MRTFB: variants seen among roughly 807,000 people sequenced by gnomAD.
MRTFB encodes myocardin-related transcription factor B.
A neutral mutation model predicts 104.2 loss-of-function variants in MRTFB; 29 were observed. The ratio of observed to expected loss-of-function variants is 0.28; its 90% CI spans 0.21 to 0.38. The LOEUF is 0.38. Ranked by LOEUF, MRTFB falls within the 10% of genes least tolerant of loss-of-function variation. MRTFB has a pLI of 1.00. For missense variants in MRTFB, 1,270 were observed against 1,341.6 expected, an observed-to-expected ratio of 0.95 and a Z score of 0.83; for synonymous variants, 535 against 519.5, an observed-to-expected ratio of 1.03 and a Z score of -0.41.
chr16:14,120,145 CTTATGTATGTTT>C (rs2036769289), intron 2 of MRTFB, among the ~76,000 whole-genome samples: 2 of 151,986 alleles, frequency 1.3e-5, no homozygotes, highest in Non-Finnish European at 2.9e-5. Flanking sequence ...TGTTCTTTTT[CTTATGTATGTTT>C]ATATCCTTAT....
intron 11 of MRTFB, among the ~76,000 whole-genome samples, chr16:14,245,924 C>T (rs1045346684): frequency 1.3e-5 from 2 of 152,020 alleles, no homozygotes; most frequent in African/African-American, 2.4e-5. Context: ...TTTTTTCTTC[C>T]CTGCTCAATG....
chr16:14,067,969 C>T (rs1187643978), upstream of MRTFB, among the ~76,000 whole-genome samples: 1 of 152,068 alleles, frequency 6.6e-6, no homozygotes, highest in Non-Finnish European at 1.5e-5. Context: ...GTAGCTGAGA[C>T]TACAGCCGCC....
chr16:14,080,438 A>G (rs904432762), intron 2 of MRTFB, among the ~76,000 whole-genome samples: 4 of 152,204 alleles, frequency 2.6e-5, no homozygotes, highest in Admixed American at 1.3e-4. Flanking sequence ...GAATGTTTCA[A>G]TCTAGCTAAT....
the MRTFB span, among the ~76,000 whole-genome samples, chr16:14,012,251 C>T: frequency 6.9e-6 from 1 of 145,060 alleles, no homozygotes; most frequent in African/African-American, 2.6e-5. Flanking sequence ...TTTTTTGAGA[C>T]AGAGTCTCGG....
chr16:14,079,789 G>A (rs1050402723), intron 2 of MRTFB, among the ~76,000 whole-genome samples: 8 of 150,538 alleles, frequency 5.3e-5, no homozygotes, highest in Non-Finnish European at 1.0e-4. Context: ...ATTTCTATCC[G>A]TATAAAACAA....
At chr16:14,163,718 G>A (rs768060390) in intron 3 of MRTFB, among the ~76,000 whole-genome samples, 4 of 151,568 alleles carry the variant, frequency 2.6e-5, no homozygotes, top group East Asian at 1.9e-4. Flanking sequence ...CTGTAATCCC[G>A]GCTATTTGGG....
chr16:14,105,033 G>A (rs1336778568), intron 2 of MRTFB, among the ~76,000 whole-genome samples: 1 of 152,094 alleles, frequency 6.6e-6, no homozygotes, highest in Non-Finnish European at 1.5e-5. Flanking sequence ...ATGAAAGTAC[G>A]AGGCCATCTG....
At chr16:14,130,786 A>G (rs2037399477) in intron 2 of MRTFB, among the ~76,000 whole-genome samples, 1 of 148,480 alleles carries the variant, frequency 6.7e-6, no homozygotes, top group African/African-American at 2.6e-5. Context: ...GCCTCAGGAA[A>G]CTTATACAAT....
intron 2 of MRTFB, among the ~76,000 whole-genome samples, chr16:14,103,663 G>A (rs748259737): frequency 1.1e-4 from 16 of 152,222 alleles, no homozygotes; most frequent in Non-Finnish European, 1.9e-4. Context: ...AATATAGTCT[G>A]CTTCTAATGC....
the MRTFB span, among the ~76,000 whole-genome samples, chr16:14,007,518 A>G: frequency 6.6e-6 from 1 of 152,230 alleles, no homozygotes; most frequent in East Asian, 1.9e-4. Flanking sequence ...ATTATGAATA[A>G]TACGGCTATG....
rs1347522452 is a variant in MRTFB at position 14,264,214 on chromosome 16, C to CA, written c.*2772dup. 6.6e-6 allele frequency: 1 copy of CA among 152,150 alleles called. No homozygotes were observed. The highest frequency in any genetic ancestry group is 1.5e-5 in the Non-Finnish European group (1 of 68,034). 9.4% of individuals were successfully genotyped at this position (152,150 alleles called of 1,614,324 possible). ...ATCATATTGTAAAGTATCATACTGC[C>CA]AAGAAAATAACTCCTAGAAAGGCAT... On this transcript the variant is annotated 3_prime_UTR_variant, in exon 17 of 17. Transcript: ENST00000571589.
At chr16:14,010,953 T>C in the MRTFB span, among the ~76,000 whole-genome samples, 78 of 152,326 alleles carry the variant, frequency 5.1e-4, no homozygotes, top group Non-Finnish European at 8.4e-4. Flanking sequence ...TATTCTAGTA[T>C]TGGAGGGAAG....
chr16:14,003,623 G>GCCTGCCT, the MRTFB span, among the ~76,000 whole-genome samples: 30 of 85,438 alleles, frequency 3.5e-4, 1 homozygote, highest in East Asian at 5.1e-3. Context: ...GGGGCCGGCC[G>GCCTGCCT]GCCTGCCTGC....
intron 1 of MRTFB, among the ~76,000 whole-genome samples, chr16:14,074,193 C>T (rs1016687983): frequency 6.6e-6 from 1 of 152,070 alleles, no homozygotes; most frequent in African/African-American, 2.4e-5. Flanking sequence ...GAAGGCTATA[C>T]TTTAAATTAT....
intron 12 of MRTFB, 23 bp from the exon 13 acceptor site, chr16:14,248,903 G>T (rs1460180867): frequency 1.2e-6 from 2 of 1,608,542 alleles, no homozygotes; most frequent in African/African-American, 1.3e-5. Context: ...TTAAATTGAT[G>T]TTTTTTTCAA....
At chr16:14,254,654 A>G (rs1043861078) in intron 15 of MRTFB, among the ~76,000 whole-genome samples, 3 of 152,248 alleles carry the variant, frequency 2.0e-5, no homozygotes, top group South Asian at 2.1e-4. Flanking sequence ...CATCTACCCA[A>G]GAAACATTTT....
chr16:14,252,524 G>A (rs753113129), intron 15 of MRTFB, 22 bp downstream of exon 15: 4 of 1,613,712 alleles, frequency 2.5e-6, no homozygotes, highest in Non-Finnish European at 3.4e-6. Context: ...CACGGTCATG[G>A]TGCATAAGGC....
intron 3 of MRTFB, among the ~76,000 whole-genome samples, chr16:14,175,463 T>C (rs1014188349): frequency 7.2e-5 from 11 of 152,230 alleles, no homozygotes; most frequent in Non-Finnish European, 1.3e-4. Context: ...CTGAGTAGCA[T>C]TCTCCTATAT....
At position 14,241,119 on chromosome 16, in the gene MRTFB, C is replaced by T. The variant is rs539675087; in HGVS notation, c.1079+635C>T. 6 of 277,628 alleles carry T rather than the reference C, an allele frequency of 2.2e-5. No homozygotes were observed. In the South Asian group the frequency reaches 2.6e-4, roughly 12 times the overall value. 17.2% of individuals were successfully genotyped at this position (277,628 alleles called of 1,614,324 possible). ...GGGCAGAAGACCTTACTCAACACAG[C>T]AGATAGACAACGGAGTGCTTCAGAG... On this transcript the variant is annotated intron_variant, in intron 10 of 16. Coordinates refer to ENST00000571589, the MANE Select transcript of MRTFB (RefSeq NM_001308142.2).
Sources: allele counts gnomAD v4.1 joint callset (sites outside exome capture counted in the v4.1 genomes callset), GRCh38; gene constraint gnomAD v4.1.1; transcripts MANE v1.5; gene names NCBI Gene and HGNC (gene_info 2026-07-23, HGNC 2026-07-21).